Variants in RPP30 observed in about 807,000 individuals in gnomAD.
RPP30 encodes ribonuclease P protein subunit p30.
RPP30 carries 36 observed loss-of-function variants against 38.6 expected under a neutral mutation model. That is an observed-to-expected ratio of 0.93 (90% CI 0.71 to 1.23). The LOEUF (loss-of-function observed/expected upper bound fraction) is 1.23, where lower values mean the gene tolerates loss of function less well. Ranked by LOEUF, RPP30 falls within the 50% of genes most tolerant of loss-of-function variation. The pLI is 0.00. For synonymous variants in RPP30, 126 were observed against 112.7 expected (o/e 1.12, Z -0.75); for missense variants, 321 against 321.7 (o/e 1.00, Z 0.02).
rs1352010197 is a variant in RPP30 at position 90,875,046 on chromosome 10, CTTTTCTA to C, written c.138+127_138+133del. The C allele has an allele frequency of 1.3e-5, 7 of 528,526 alleles. No individual in the cohort carries two copies. The East Asian group carries it at 2.2e-4, about 17-fold the overall frequency. The allele number at this position is 528,526 out of a possible 1,614,324, so 32.7% of individuals were successfully genotyped here. ...AAATGCACCCCTTTGTGCACTACTA[CTTTTCTA>C]TTTTATATAGAAACAGTCGAGCTGA... On this transcript the variant is annotated intron_variant, in intron 2 of 10. Transcript: ENST00000371703.
chr10:90,902,324 C>T (rs1025094202), downstream of RPP30: 8 of 385,538 alleles, frequency 2.1e-5, no homozygotes, highest in African/African-American at 4.4e-5. Flanking sequence ...CTCAAGCCAT[C>T]CTCCCACCTC....
intron 3 of RPP30, 75 bp downstream of exon 3, chr10:90,875,689 C>G (rs1398109973): frequency 2.4e-6 from 3 of 1,227,538 alleles, no homozygotes; most frequent in African/African-American, 3.0e-5. Flanking sequence ...GTGCTATTCT[C>G]TAGCTTGAGC....
At chr10:90,902,514 C>T (rs183511353), downstream of RPP30, among the ~76,000 whole-genome samples, 3 of 152,334 alleles carry the variant, frequency 2.0e-5, no homozygotes, top group Admixed American at 2.0e-4. Flanking sequence ...GCATGAGCCA[C>T]CATACCCGGC....
intron 6 of RPP30, among the ~76,000 whole-genome samples, chr10:90,889,296 A>G (rs988390891): frequency 3.3e-5 from 5 of 149,460 alleles, no homozygotes. Flanking sequence ...ATCACTTTAT[A>G]AGGATTACTT....
chr10:90,896,487 T>C, intron 10 of RPP30, 95 bp downstream of exon 10: 2 of 896,718 alleles, frequency 2.2e-6, no homozygotes, highest in African/African-American at 1.6e-5. Context: ...CCTACAGAGT[T>C]CCTTTGGGAT....
Position 90,901,063 on chromosome 10 carries a change from A to G in RPP30, c.*384A>G, listed in dbSNP as rs1286873764. On this transcript the variant is annotated 3_prime_UTR_variant, in exon 11 of 11. Coordinates refer to ENST00000371703, the MANE Select transcript of RPP30 (RefSeq NM_006413.5). ...ATAATCACAGCTCACTGCAACCTCA[A>G]TCCTGGGCTCAAGTGATCCTCCCGC... 6.1e-6 allele frequency: 3 copies of G among 492,394 alleles called. No individual in the cohort carries two copies. The highest frequency in any genetic ancestry group is 1.5e-4 in the East Asian group (1 of 6,668). 30.5% of individuals were successfully genotyped at this position (492,394 alleles called of 1,614,324 possible).
At chr10:90,894,255 A>G (rs536640798) in intron 6 of RPP30, among the ~76,000 whole-genome samples, 2 of 152,328 alleles carry the variant, frequency 1.3e-5, no homozygotes, top group Admixed American at 1.3e-4. Context: ...GTCAGCACTC[A>G]ATTAACTATG....
intron 5 of RPP30, among the ~76,000 whole-genome samples, chr10:90,883,009 T>C (rs1846951630): frequency 1.3e-5 from 2 of 152,116 alleles, no homozygotes; most frequent in African/African-American, 4.8e-5. Context: ...AATGAATCAA[T>C]GGAGGTAGGG....
At chr10:90,905,813 A>G (rs1346708003), downstream of RPP30, 1 of 152,192 alleles carries the variant, frequency 6.6e-6, no homozygotes, top group East Asian at 1.9e-4. Context: ...TTTTGATGTC[A>G]ATTTATTCTT....
At chr10:90,897,317 C>CT (rs1292644479) in intron 10 of RPP30, among the ~76,000 whole-genome samples, 1 of 152,190 alleles carries the variant, frequency 6.6e-6, no homozygotes, top group Non-Finnish European at 1.5e-5. Flanking sequence ...TACATATAGA[C>CT]TGAGTTATTT....
intron 5 of RPP30, among the ~76,000 whole-genome samples, chr10:90,881,328 C>T (rs1401838786): frequency 6.6e-6 from 1 of 152,162 alleles, no homozygotes; most frequent in African/African-American, 2.4e-5. Context: ...CTCTAAATCT[C>T]CCAGCAAGTT....
downstream of RPP30, among the ~76,000 whole-genome samples, chr10:90,903,822 A>G (rs1313531408): frequency 2.6e-5 from 4 of 152,234 alleles, no homozygotes; most frequent in Admixed American, 6.5e-5. Context: ...CACTATTCAC[A>G]AAGACATAAA....
intron 4 of RPP30, among the ~76,000 whole-genome samples, 185 bp from the exon 5 acceptor site, chr10:90,878,878 G>A (rs1846886918): frequency 6.6e-6 from 1 of 152,222 alleles, no homozygotes; most frequent in Admixed American, 6.5e-5. Flanking sequence ...TGATTGGTGA[G>A]ATGGATATTT....
intron 2 of RPP30, among the ~76,000 whole-genome samples, chr10:90,875,236 C>T (rs575454356): frequency 7.0e-6 from 1 of 142,730 alleles, no homozygotes; most frequent in East Asian, 2.1e-4. Context: ...ATTCTATTGT[C>T]ATGGGCTTAT....
chr10:90,878,578 A>T (rs912539706), intron 4 of RPP30, among the ~76,000 whole-genome samples: 2 of 151,808 alleles, frequency 1.3e-5, no homozygotes, highest in East Asian at 3.9e-4. Context: ...TGCAGCCTCA[A>T]CCTATGGGAC....
chr10:90,895,092 T>G (rs1564714941), intron 7 of RPP30: 2 of 623,794 alleles, frequency 3.2e-6, no homozygotes, highest in Non-Finnish European at 5.8e-6. Flanking sequence ...GAGAAAAAGA[T>G]GTGTTGGAAG....
rs773251011 is a variant in RPP30 at position 90,895,038 on chromosome 10, A to T, written c.549+147A>T. ...TTCTGCCATTTCAGTGAGCTCTGCAAATTTTAAGGGAAAGAAAAATACCAA... is the reference window on the plus strand; with the variant it reads ...TTCTGCCATTTCAGTGAGCTCTGCATATTTTAAGGGAAAGAAAAATACCAA... On this transcript the variant is annotated intron_variant, in intron 7 of 10. Coordinates refer to ENST00000371703, the MANE Select transcript of RPP30 (RefSeq NM_006413.5). The T allele has an allele frequency of 6.8e-6, 5 of 736,018 alleles. No individual in the cohort carries two copies. The South Asian group carries it at 7.0e-5, about 10-fold the overall frequency. 45.6% of individuals were successfully genotyped at this position (736,018 alleles called of 1,614,324 possible).
At chr10:90,890,290 G>A (rs1010960562) in intron 6 of RPP30, among the ~76,000 whole-genome samples, 9 of 152,184 alleles carry the variant, frequency 5.9e-5, no homozygotes, top group African/African-American at 2.2e-4. Flanking sequence ...GAAGAAGGAT[G>A]TTCTTAAAAC....
chr10:90,881,416 T>C (rs1398022848), intron 5 of RPP30, among the ~76,000 whole-genome samples: 1 of 152,196 alleles, frequency 6.6e-6, no homozygotes, highest in Non-Finnish European at 1.5e-5. Flanking sequence ...TCTTACTGTT[T>C]TTCTCAGACT....
Sources: gnomAD v4.1 joint callset for allele counts (sites outside exome capture counted in the v4.1 genomes callset) on GRCh38, gnomAD v4.1.1 for gene constraint, MANE v1.5 for transcripts, NCBI Gene and HGNC (gene_info 2026-07-23, HGNC 2026-07-21) for gene names.